The following CSMD1 variants were observed in gnomAD, a reference collection of about 807,000 sequenced individuals.
CSMD1 encodes CUB and sushi domain-containing protein 1.
Under a neutral mutation model 417.5 loss-of-function variants are expected in CSMD1, and 213 were observed. The ratio of observed to expected loss-of-function variants is 0.51; its 90% confidence interval spans 0.46 to 0.57. CSMD1 has a LOEUF of 0.57. CSMD1 is among the 20% of genes least tolerant of loss of function. CSMD1 has a pLI of 0.00. For missense variants in CSMD1, 6,923 were observed against 4,529.7 expected (o/e 1.53, Z -15.17); for synonymous variants, 2,862 against 1,736.8 (o/e 1.65, Z -16.11).
At position 4,700,768 on chromosome 8, in the gene CSMD1, A is replaced by G. The variant is rs559348367; in HGVS notation, c.86-63210T>C. ...TATATGCAACTTACGCTGCAATAAA[A>G]ATGGTTAACAAATAAAGGGAAAGGA... On this transcript the variant is annotated intron_variant, in intron 1 of 69. Coordinates refer to ENST00000635120, the MANE Select transcript of CSMD1 (RefSeq NM_033225.6). Among the ~76,000 whole-genome samples, 10 of 152,352 alleles carry G rather than the reference A, an allele frequency of 6.6e-5. No homozygotes were observed. The South Asian group carries it at 1.7e-3, about 25-fold the overall frequency.
At chr8:4,693,430 T>C (rs888452851) in intron 1 of CSMD1, among the ~76,000 whole-genome samples, 5 of 152,226 alleles carry the variant, frequency 3.3e-5, no homozygotes, top group Non-Finnish European at 5.9e-5. Flanking sequence ...TCAGCCTCAA[T>C]ATTCCAAACT....
chr8:3,356,270 G>C (rs1044285692), intron 21 of CSMD1, among the ~76,000 whole-genome samples: 1 of 152,200 alleles, frequency 6.6e-6, no homozygotes, highest in Admixed American at 6.5e-5. Flanking sequence ...TTTTTGAGAT[G>C]AAAAGAGAAC....
chr8:3,517,310 C>A lies in CSMD1; in HGVS notation c.1345-23584G>T, dbSNP rs145096790. 3.0e-3 allele frequency among the ~76,000 whole-genome samples: 458 copies of A among 152,216 alleles called. 1 individual carries two copies. The highest frequency in any genetic ancestry group is 7.1e-3 in the African/African-American group (296 of 41,552). ...CAAAAGATGGAAAGAAGAGGGCTGG[C>A]AGAGAACAGGCAATCCAAGTAAAAT... is the stretch of plus-strand genomic sequence containing the variant. On this transcript the variant is annotated intron_variant, in intron 10 of 69. Transcript: ENST00000635120.
At chr8:3,700,767 G>T (rs1800814277) in intron 7 of CSMD1, 1 of 152,278 alleles carries the variant, frequency 6.6e-6, no homozygotes. Context: ...AAACAGCCCA[G>T]AAACCAAGAG....
At chr8:3,414,690 T>G (rs1230669513) in intron 12 of CSMD1, among the ~76,000 whole-genome samples, 2 of 152,210 alleles carry the variant, frequency 1.3e-5, no homozygotes, top group Non-Finnish European at 2.9e-5. Flanking sequence ...CATCGCTGTT[T>G]TCTCCTAGGA....
rs192590519 is a variant in CSMD1, at chr8:3,027,103, A to C, written c.7855+2216T>G. The stretch of plus-strand genomic sequence containing the variant: ...AGATTGACAAGCCCTGTATTAGTAC[A>C]ATTTAAAAAATTTTTTTAAATGTTT... On this transcript the variant is annotated intron_variant, in intron 51 of 69. Coordinates refer to ENST00000635120, the MANE Select transcript of CSMD1 (RefSeq NM_033225.6). Among the ~76,000 whole-genome samples, 705 of 152,326 alleles carry C rather than the reference A, an allele frequency of 4.6e-3. 5 individuals carry two copies. The highest frequency in any genetic ancestry group is 6.0e-3 in the Non-Finnish European group (405 of 68,030).
intron 3 of CSMD1, among the ~76,000 whole-genome samples, chr8:4,202,229 A>C (rs1799697662): frequency 1.3e-5 from 2 of 152,128 alleles, no homozygotes; most frequent in Non-Finnish European, 2.9e-5. Context: ...TATTTGATGA[A>C]TTATGCCTTA....
At chr8:4,276,759 G>A (rs141269492) in intron 3 of CSMD1, among the ~76,000 whole-genome samples, 3,219 of 152,238 alleles carry the variant, frequency 0.021, 54 homozygotes, top group Non-Finnish European at 0.035. Flanking sequence ...ATGTTTCTGT[G>A]TAGAAGGAAA....
chr8:4,738,964 T>A (rs1341661176), intron 1 of CSMD1, among the ~76,000 whole-genome samples: 1 of 151,044 alleles, frequency 6.6e-6, no homozygotes, highest in African/African-American at 2.4e-5. Flanking sequence ...AGGGCTTGAA[T>A]AATATACCTT....
chr8:3,707,090 T>G (rs2129039299), intron 7 of CSMD1, among the ~76,000 whole-genome samples: 1 of 152,278 alleles, frequency 6.6e-6, no homozygotes, highest in Non-Finnish European at 1.5e-5. Context: ...GGGACATGTT[T>G]ACCTCTCTGT....
In CSMD1 at chr8:4,513,766, G is replaced by T. The variant is rs182217355; in HGVS notation, c.303-93701C>A. Among the ~76,000 whole-genome samples, 61 of 152,276 alleles carry T rather than the reference G, an allele frequency of 4.0e-4. No homozygotes were observed. The East Asian group carries it at 0.011, about 28-fold the overall frequency. On this transcript the variant is annotated intron_variant, in intron 2 of 69. Coordinates refer to ENST00000635120, the MANE Select transcript of CSMD1 (RefSeq NM_033225.6). ...TTGGCAAAAATACATAAATTTCGAT[G>T]AAAATAATTATTCCTTATGTACAGC... is the stretch of plus-strand genomic sequence containing the variant.
At chr8:3,185,107 C>A (rs187272408) in intron 36 of CSMD1, among the ~76,000 whole-genome samples, 168 of 152,342 alleles carry the variant, frequency 1.1e-3, no homozygotes, top group African/African-American at 3.9e-3. Context: ...AAATTTATAG[C>A]CAGTTGGTCA....
chr8:3,294,408 C>T (rs918066334), intron 25 of CSMD1, among the ~76,000 whole-genome samples: 5 of 152,202 alleles, frequency 3.3e-5, no homozygotes, highest in African/African-American at 2.4e-5. Flanking sequence ...TGGTCTGTGC[C>T]CTGCCTGCAG....
At chr8:4,659,693 A>T (rs554360527) in intron 1 of CSMD1, among the ~76,000 whole-genome samples, 2 of 152,142 alleles carry the variant, frequency 1.3e-5, no homozygotes, top group Non-Finnish European at 1.5e-5. Context: ...TTTTTGGATG[A>T]TAAACTGTTT....
chr8:3,940,595 A>T (rs1311879759), intron 5 of CSMD1, among the ~76,000 whole-genome samples: 1 of 151,698 alleles, frequency 6.6e-6, no homozygotes, highest in Non-Finnish European at 1.5e-5. Flanking sequence ...AACAACAAAA[A>T]AGAACATATA....
intron 5 of CSMD1, among the ~76,000 whole-genome samples, chr8:3,934,757 G>A (rs369040707): frequency 1.3e-5 from 2 of 152,082 alleles, no homozygotes; most frequent in South Asian, 4.1e-4. Context: ...TGAAGCAGGA[G>A]AATCACTTGA....
At chr8:4,294,453 G>A (rs1318725795) in intron 3 of CSMD1, among the ~76,000 whole-genome samples, 2 of 152,162 alleles carry the variant, frequency 1.3e-5, no homozygotes, top group Non-Finnish European at 2.9e-5. Flanking sequence ...CGCAGGCAAT[G>A]ATAATGATCT....
intron 5 of CSMD1, among the ~76,000 whole-genome samples, chr8:3,954,953 C>A (rs575016480): frequency 6.6e-6 from 1 of 152,192 alleles, no homozygotes; most frequent in Non-Finnish European, 1.5e-5. Flanking sequence ...GTTGTTTCTC[C>A]CTGGGGTCTG....
At chr8:2,963,459 C>A in intron 59 of CSMD1, 64 bp from the exon 60 acceptor site, 1 of 1,510,578 alleles carries the variant, frequency 6.6e-7, no homozygotes, top group South Asian at 1.2e-5. Flanking sequence ...GATGTTCAAA[C>A]GATTCCCATT....
Sources: gnomAD v4.1 joint callset for allele counts (sites outside exome capture counted in the v4.1 genomes callset) on GRCh38, gnomAD v4.1.1 for gene constraint, MANE v1.5 for transcripts, NCBI Gene and HGNC (gene_info 2026-07-23, HGNC 2026-07-21) for gene names.